RSPO2: variants seen among roughly 807,000 people sequenced by gnomAD.
The protein encoded by RSPO2 is R-spondin 2.
In RSPO2, 14 loss-of-function variants were observed where a neutral mutation model predicts 30.9. The ratio of observed to expected loss-of-function variants is 0.45; its 90% confidence interval spans 0.30 to 0.71. RSPO2 has a LOEUF of 0.71. Among genes scored for constraint, RSPO2 ranks in the 30% least tolerant of loss-of-function variants. RSPO2 has a pLI of 0.08. For missense variants in RSPO2, 264 were observed against 301.9 expected, an observed-to-expected ratio of 0.87 and a Z score of 0.93; for synonymous variants, 107 against 96.4, an observed-to-expected ratio of 1.11 and a Z score of -0.64.
chr8:108,068,412 A>G (rs527283938), intron 2 of RSPO2, among the ~76,000 whole-genome samples: 53 of 152,348 alleles, frequency 3.5e-4, no homozygotes, highest in African/African-American at 1.2e-3. Flanking sequence ...ACCTCTACTA[A>G]GTATTCCACT....
chr8:107,965,478 C>T (rs1813770920), intron 3 of RSPO2, among the ~76,000 whole-genome samples: 1 of 152,168 alleles, frequency 6.6e-6, no homozygotes, highest in Non-Finnish European at 1.5e-5. Flanking sequence ...CTAGTATATG[C>T]CAGACCCTAA....
chr8:107,952,852 G>T lies in RSPO2; in HGVS notation c.616+5228C>A, dbSNP rs567603058. 2.0e-4 allele frequency among the ~76,000 whole-genome samples: 31 copies of T among 152,254 alleles called. No individual in the cohort carries two copies. In the South Asian group the frequency reaches 5.8e-3, roughly 29 times the overall value. On this transcript the variant is annotated intron_variant, in intron 5 of 5. Transcript: ENST00000276659. ...CTTTTTAAAAGTAGATTTTTGCAGA[G>T]ATCAAGGTTCTAAGTAGCTAATACT...
At chr8:108,074,164 G>A (rs1206277468) in intron 2 of RSPO2, among the ~76,000 whole-genome samples, 1 of 152,142 alleles carries the variant, frequency 6.6e-6, no homozygotes, top group African/African-American at 2.4e-5. Context: ...GCTAAACTGG[G>A]TAACTTCTAT....
intron 5 of RSPO2, among the ~76,000 whole-genome samples, chr8:107,918,606 C>T (rs1442984762): frequency 2.0e-5 from 3 of 152,278 alleles, no homozygotes; most frequent in African/African-American, 7.2e-5. Flanking sequence ...AGAATTTACC[C>T]AGCTCCTAAG....
rs1813272133 is a variant in RSPO2, at chr8:108,083,239, C to G, written c.-212G>C. On this transcript the variant is annotated 5_prime_UTR_variant, in exon 1 of 6. Coordinates refer to ENST00000276659, the MANE Select transcript of RSPO2 (RefSeq NM_178565.5). ...CGGCGCGGCCTCCCTAGGCGCGGTG[C>G]TCCATCCCGGGCTCGGGAAGCGAGC... is the stretch of plus-strand genomic sequence containing the variant. The G allele has an allele frequency of 6.6e-6, 1 of 152,288 alleles. No individual in the cohort carries two copies. Among genetic ancestry groups the G allele is most frequent in the East Asian group, 1.9e-4 (1 of 5,180 alleles). 9.4% of individuals were successfully genotyped at this position (152,288 alleles called of 1,614,324 possible). A position where few individuals can be genotyped will look rare whatever the true frequency, so the allele number is the denominator to read the frequency against.
chr8:108,032,856 G>A (rs948089886), intron 2 of RSPO2, among the ~76,000 whole-genome samples: 5 of 151,568 alleles, frequency 3.3e-5, no homozygotes, highest in Non-Finnish European at 7.4e-5. Flanking sequence ...TCAGGAGATC[G>A]AGACCATCCT....
chr8:108,034,929 C>A (rs17320351), intron 2 of RSPO2, among the ~76,000 whole-genome samples: 25,726 of 152,256 alleles, frequency 0.17, 2,833 homozygotes, highest in Middle Eastern at 0.27. Flanking sequence ...ATATTACCAA[C>A]TGTTTTCCCT....
At chr8:107,958,738 C>T (rs945937944) in intron 4 of RSPO2, among the ~76,000 whole-genome samples, 2 of 152,202 alleles carry the variant, frequency 1.3e-5, no homozygotes, top group Admixed American at 6.5e-5. Flanking sequence ...TGTTGTTTCC[C>T]GCCATGTGCC....
chr8:107,970,915 G>C (rs1813973501), intron 3 of RSPO2, among the ~76,000 whole-genome samples: 1 of 152,172 alleles, frequency 6.6e-6, no homozygotes, highest in African/African-American at 2.4e-5. Flanking sequence ...CATCTAGTTT[G>C]ATGATAAAAG....
At chr8:107,925,117 T>G (rs1474082030) in intron 5 of RSPO2, among the ~76,000 whole-genome samples, 1 of 151,732 alleles carries the variant, frequency 6.6e-6, no homozygotes, top group Admixed American at 6.6e-5. Context: ...GAATTCAGAG[T>G]GATATGATGG....
At chr8:107,941,988 A>T (rs58227372) in intron 5 of RSPO2, among the ~76,000 whole-genome samples, 1 of 152,028 alleles carries the variant, frequency 6.6e-6, no homozygotes, top group Non-Finnish European at 1.5e-5. Context: ...AACTGCCACC[A>T]TCTGTAGGAG....
chr8:107,924,824 A>G (rs890415705), intron 5 of RSPO2, among the ~76,000 whole-genome samples: 4 of 21,010 alleles, frequency 1.9e-4, no homozygotes, highest in African/African-American at 2.8e-4. Context: ...CCTAACATGC[A>G]CACACACACA....
chr8:107,932,563 T>C (rs1318937754), intron 5 of RSPO2, among the ~76,000 whole-genome samples: 3 of 152,078 alleles, frequency 2.0e-5, no homozygotes, highest in Admixed American at 1.3e-4. Flanking sequence ...AAACAGGTCA[T>C]AACAGGTAAA....
rs551194132 is a variant in RSPO2, at chr8:107,899,322, T to TGAA, written c.*1750_*1752dup. The TGAA allele has an allele frequency of 1.0e-4, 16 of 152,750 alleles. No individual in the cohort carries two copies. Among genetic ancestry groups the TGAA allele is most frequent in the Admixed American group, 2.0e-4 (3 of 15,296 alleles). The allele number at this position is 152,750 out of a possible 1,614,324, so 9.5% of individuals were successfully genotyped here. ...AAGAAATCTCCACAAAAAATAATTTTGAAGTTTTTAATGCACAAAAAAGAA... is the reference window on the plus strand; with the variant it reads ...AAGAAATCTCCACAAAAAATAATTTTGAAGAAGTTTTTAATGCACAAAAAAGAA... On this transcript the variant is annotated 3_prime_UTR_variant, in exon 6 of 6. Coordinates refer to ENST00000276659, the MANE Select transcript of RSPO2 (RefSeq NM_178565.5).
At chr8:108,033,108 C>G (rs1045051978) in intron 2 of RSPO2, among the ~76,000 whole-genome samples, 1 of 150,802 alleles carries the variant, frequency 6.6e-6, no homozygotes, top group African/African-American at 2.4e-5. Flanking sequence ...GCTATGTTAC[C>G]CAAGCTGGTC....
intron 2 of RSPO2, among the ~76,000 whole-genome samples, chr8:107,999,095 GTTCT>G (rs774190500): frequency 3.9e-5 from 6 of 152,008 alleles, no homozygotes; most frequent in Non-Finnish European, 7.4e-5. Context: ...CTTTTCTTGA[GTTCT>G]TTAATAGAGA....
chr8:107,989,129 C>A lies in RSPO2; in HGVS notation c.210G>T (p.Gln70His). The A allele has an allele frequency of 1.2e-6, 2 of 1,612,402 alleles. No homozygotes were observed. Among genetic ancestry groups the A allele is most frequent in the African/African-American group, 1.3e-5 (1 of 74,922 alleles). The change falls in exon 3 of 6, where the codon CAG (glutamine) becomes CAT (histidine). Residue 70 changes from glutamine to histidine, a missense_variant. Physicochemically the swap from Gln to His is conservative, Grantham distance 24. Coordinates refer to ENST00000276659, the MANE Select transcript of RSPO2 (RefSeq NM_178565.5). The stretch of plus-strand genomic sequence containing the variant: ...GGCAGGAATGCAGGCACTCTCCATA[C>A]TGGCGCATCCCTTCTCTTCGAAGGA... ...FFFLRREGMR[Q>H]YGECLHSCPS...
intron 2 of RSPO2, among the ~76,000 whole-genome samples, chr8:108,079,145 A>AG (rs1370649915): frequency 1.3e-5 from 2 of 152,214 alleles, no homozygotes; most frequent in East Asian, 1.9e-4. Flanking sequence ...ACTATTTTGA[A>AG]GGGGGAGTCA....
In RSPO2 at chr8:108,082,735, A is replaced by G. The variant is rs900495663; in HGVS notation, c.-97T>C. On this transcript the variant is annotated 5_prime_UTR_variant, in exon 2 of 6. Coordinates refer to ENST00000276659, the MANE Select transcript of RSPO2 (RefSeq NM_178565.5). Reference sequence around the variant, plus strand: ...CCGGCCGCGCTGCTGGGGAGGACTCAGAGGGAGACTCGCCACTCACCCCCG... The same window carrying G: ...CCGGCCGCGCTGCTGGGGAGGACTCGGAGGGAGACTCGCCACTCACCCCCG... 3.1e-6 allele frequency: 3 copies of G among 954,696 alleles called. No individual in the cohort carries two copies. Among genetic ancestry groups the G allele is most frequent in the African/African-American group, 3.2e-5 (2 of 62,092 alleles). The allele number at this position is 954,696 out of a possible 1,614,324, so 59.1% of individuals were successfully genotyped here.
Sources: gnomAD v4.1 joint callset for allele counts (sites outside exome capture counted in the v4.1 genomes callset) on GRCh38, gnomAD v4.1.1 for gene constraint, MANE v1.5 for transcripts, NCBI Gene and HGNC (gene_info 2026-07-23, HGNC 2026-07-21) for gene names.